RASGRF2: variants seen among roughly 807,000 people sequenced by gnomAD.
RASGRF2 encodes ras-specific guanine nucleotide-releasing factor 2.
A neutral mutation model predicts 151.0 loss-of-function variants in RASGRF2; 76 were observed. The observed-to-expected ratio is 0.50, with a 90% confidence interval of 0.42 to 0.61. The LOEUF (loss-of-function observed/expected upper bound fraction) is 0.61. Among genes scored for constraint, RASGRF2 ranks in the 20% least tolerant of loss-of-function variants. RASGRF2 has a pLI of 0.00. For synonymous variants in RASGRF2, 504 were observed against 566.5 expected, an observed-to-expected ratio of 0.89 and a Z score of 1.57; for missense variants, 1,148 against 1,564.6, an observed-to-expected ratio of 0.73 and a Z score of 4.49.
chr5:81,042,795 C>G (rs952538922), intron 1 of RASGRF2, 82 bp from the exon 2 acceptor site: 3 of 934,110 alleles, frequency 3.2e-6, no homozygotes, highest in African/African-American at 1.7e-5. Flanking sequence ...AAATATGTAC[C>G]CTTTGTAGGC....
intron 2 of RASGRF2, among the ~76,000 whole-genome samples, chr5:81,062,511 A>G (rs1751475429): frequency 6.6e-6 from 1 of 152,090 alleles, no homozygotes; most frequent in Admixed American, 6.5e-5. Context: ...TTCTTTCATT[A>G]TTATTTATTC....
At chr5:81,086,242 G>T (rs1265258353) in intron 8 of RASGRF2, among the ~76,000 whole-genome samples, 2 of 152,006 alleles carry the variant, frequency 1.3e-5, no homozygotes, top group African/African-American at 4.8e-5. Flanking sequence ...GTGTGCACCT[G>T]TAGTCCCAGC....
intron 12 of RASGRF2, 30 bp from the exon 13 acceptor site, chr5:81,108,966 G>T: frequency 6.3e-7 from 1 of 1,582,272 alleles, no homozygotes; most frequent in Non-Finnish European, 8.6e-7. Context: ...CTTTCATGTG[G>T]GTTGTAATTG....
chr5:81,009,683 A>T (rs560768468), intron 1 of RASGRF2, among the ~76,000 whole-genome samples: 1 of 152,372 alleles, frequency 6.6e-6, no homozygotes, highest in South Asian at 2.1e-4. Flanking sequence ...AGGCAAATGT[A>T]ATTTAAGTAA....
chr5:81,129,742 C>T (rs924570560), intron 17 of RASGRF2, among the ~76,000 whole-genome samples: 1 of 152,162 alleles, frequency 6.6e-6, no homozygotes, highest in African/African-American at 2.4e-5. Context: ...GAGTTATTGT[C>T]GATTGTGATT....
chr5:81,116,066 CTTTTTTTTTTTTTTTTTTTT>C (rs575647502), intron 15 of RASGRF2, among the ~76,000 whole-genome samples: 22 of 49,068 alleles, frequency 4.5e-4, no homozygotes, highest in East Asian at 3.1e-3. Flanking sequence ...AATGCCATTT[CTTTTTTTTTTTTTTTTTTTT>C]TTTTTTTTTT....
intron 1 of RASGRF2, among the ~76,000 whole-genome samples, chr5:80,998,827 G>A (rs572030386): frequency 2.0e-5 from 3 of 152,324 alleles, no homozygotes; most frequent in Non-Finnish European, 2.9e-5. Flanking sequence ...CAGGAGTGGG[G>A]AGAGTGAGCT....
chr5:81,193,667 C>G (rs1755198902), intron 18 of RASGRF2, among the ~76,000 whole-genome samples: 2 of 152,138 alleles, frequency 1.3e-5, no homozygotes, highest in South Asian at 2.1e-4. Flanking sequence ...AGGCGCCCAC[C>G]ACCATGCCCA....
chr5:81,022,615 G>A (rs1561559762), intron 1 of RASGRF2, among the ~76,000 whole-genome samples: 1 of 152,166 alleles, frequency 6.6e-6, no homozygotes, highest in African/African-American at 2.4e-5. Flanking sequence ...TGTACCACGT[G>A]TGTCCCTGCC....
intron 1 of RASGRF2, among the ~76,000 whole-genome samples, chr5:80,970,576 C>T (rs1047911204): frequency 2.6e-5 from 4 of 152,092 alleles, no homozygotes; most frequent in African/African-American, 9.7e-5. Flanking sequence ...TGTCATAACC[C>T]TCATGATACT....
intron 17 of RASGRF2, among the ~76,000 whole-genome samples, chr5:81,158,800 A>G (rs890710409): frequency 2.0e-5 from 3 of 152,194 alleles, no homozygotes; most frequent in East Asian, 3.8e-4. Context: ...GGCAGTAAGA[A>G]TGTGGAGAAA....
chr5:81,163,458 G>T (rs1754433800), intron 17 of RASGRF2, among the ~76,000 whole-genome samples: 1 of 151,942 alleles, frequency 6.6e-6, no homozygotes. Flanking sequence ...AATATATTGG[G>T]GAAATGTGCA....
chr5:80,975,374 G>T (rs903302814), intron 1 of RASGRF2, among the ~76,000 whole-genome samples: 13 of 151,510 alleles, frequency 8.6e-5, no homozygotes, highest in Admixed American at 8.6e-4. Flanking sequence ...TGCGTGTGTC[G>T]TTGAGGGGTG....
intron 1 of RASGRF2, among the ~76,000 whole-genome samples, chr5:80,963,970 T>G (rs2112201773): frequency 6.7e-6 from 1 of 150,166 alleles, no homozygotes; most frequent in African/African-American, 2.5e-5. Flanking sequence ...CAATTCAAAA[T>G]AAGTTGGTTG....
Position 81,021,558 on chromosome 5 carries a change from G to A in RASGRF2, c.289-21319G>A, listed in dbSNP as rs532366825. Among the ~76,000 whole-genome samples the A allele has an allele frequency of 3.2e-5, 4 of 126,060 alleles. No homozygotes were observed. The South Asian group carries it at 1.0e-3, about 32-fold the overall frequency. The allele number at this position is 126,060 out of a possible 152,430, so 82.7% of individuals were successfully genotyped here. ...CTCACATGTTCTTGAGATTGTGCGAGCGTGTGTGTGTGTGTGTGTGTGTCT... is the reference window on the plus strand; with the variant it reads ...CTCACATGTTCTTGAGATTGTGCGAACGTGTGTGTGTGTGTGTGTGTGTCT... On this transcript the variant is annotated intron_variant, in intron 1 of 26. Coordinates refer to ENST00000265080, the MANE Select transcript of RASGRF2 (RefSeq NM_006909.3).
intron 1 of RASGRF2, among the ~76,000 whole-genome samples, chr5:80,994,445 C>T (rs956149713): frequency 1.5e-4 from 22 of 151,210 alleles, no homozygotes; most frequent in African/African-American, 4.9e-4. Flanking sequence ...ACAGAAATGA[C>T]GAGCTGATGG....
rs1355341134 is a variant in RASGRF2 at position 81,073,464 on chromosome 5, C to T, written c.887+12C>T. The T allele has an allele frequency of 3.7e-6, 6 of 1,608,272 alleles. No homozygotes were observed. Among genetic ancestry groups the T allele is most frequent in the East Asian group, 4.5e-5 (2 of 44,832 alleles). On this transcript the variant is annotated intron_variant, in intron 5 of 26. Transcript: ENST00000265080. ...ATTTTTCTTAACAGGTTTGACATTG[C>T]ATAAATCAAAGAGTTATGAGAAAAA...
chr5:81,206,158 G>T (rs1209874502), intron 19 of RASGRF2, among the ~76,000 whole-genome samples: 4 of 152,286 alleles, frequency 2.6e-5, no homozygotes, highest in South Asian at 2.1e-4. Context: ...TCTGAAACCA[G>T]TATTTAAGGT....
intron 1 of RASGRF2, among the ~76,000 whole-genome samples, chr5:81,006,294 AT>A (rs1409701546): frequency 1.3e-5 from 2 of 152,098 alleles, no homozygotes; most frequent in East Asian, 3.9e-4. Context: ...TTCTATGGGG[AT>A]CCTGTTTTGA....
Sources: gnomAD v4.1 joint callset for allele counts (sites outside exome capture counted in the v4.1 genomes callset) on GRCh38, gnomAD v4.1.1 for gene constraint, MANE v1.5 for transcripts, NCBI Gene and HGNC (gene_info 2026-07-23, HGNC 2026-07-21) for gene names.